Variants in TACR3 observed in about 807,000 individuals in gnomAD.
The protein encoded by TACR3 is tachykinin receptor 3, also known as neuromedin-K receptor.
A neutral mutation model predicts 35.0 loss-of-function variants in TACR3; 34 were observed. The ratio of observed to expected loss-of-function variants is 0.97; its 90% CI spans 0.74 to 1.30. TACR3 has a LOEUF of 1.30. Ranked by LOEUF, TACR3 falls within the 50% of genes most tolerant of loss-of-function variation. The pLI, the probability that TACR3 is intolerant of heterozygous loss-of-function variation, is 0.00. For synonymous variants in TACR3, 233 were observed against 221.1 expected (o/e 1.05, Z -0.48); for missense variants, 558 against 591.7 (o/e 0.94, Z 0.59).
intron 1 of TACR3, among the ~76,000 whole-genome samples, chr4:103,670,632 G>GA (rs985495679): frequency 1.6e-4 from 25 of 152,062 alleles, no homozygotes; most frequent in African/African-American, 5.1e-4. Context: ...TTGGCATATA[G>GA]GAATGCTATT....
At chr4:103,616,297 CGTGTATGT>C (rs1198186187) in intron 3 of TACR3, among the ~76,000 whole-genome samples, 1 of 103,172 alleles carries the variant, frequency 9.7e-6, no homozygotes, top group Non-Finnish European at 2.0e-5. Flanking sequence ...AGAGTACATA[CGTGTATGT>C]GTGTGTGTGT....
At chr4:103,599,090 G>A (rs915136331) in intron 3 of TACR3, among the ~76,000 whole-genome samples, 4 of 152,168 alleles carry the variant, frequency 2.6e-5, no homozygotes, top group Middle Eastern at 3.2e-3. Context: ...CCATGAACAT[G>A]GAATGTTCTT....
intron 2 of TACR3, among the ~76,000 whole-genome samples, chr4:103,657,297 T>C (rs1172352546): frequency 2.0e-5 from 3 of 152,070 alleles, no homozygotes; most frequent in Non-Finnish European, 4.4e-5. Context: ...GATTACTAAG[T>C]ATTGATTTAA....
intron 1 of TACR3, among the ~76,000 whole-genome samples, chr4:103,676,515 A>G (rs1250376892): frequency 6.6e-6 from 1 of 152,120 alleles, no homozygotes; most frequent in South Asian, 2.1e-4. Flanking sequence ...AAACAAATAT[A>G]GTGTGTTAAA....
At position 103,618,564 on chromosome 4, in the gene TACR3, C is replaced by CTTTT. The variant is rs57837921; in HGVS notation, c.889-26885_889-26882dup. 5.3e-3 allele frequency among the ~76,000 whole-genome samples: 325 copies of CTTTT among 61,446 alleles called. 37 individuals are homozygous for CTTTT. Among genetic ancestry groups the CTTTT allele is most frequent in the African/African-American group, 0.028 (307 of 11,016 alleles). 40.3% of individuals were successfully genotyped at this position (61,446 alleles called of 152,430 possible). A position where few individuals can be genotyped will look rare whatever the true frequency, so the allele number is the denominator to read the frequency against. ...CTTAGGATTGCTTTGGTGACTTGGG[C>CTTTT]TTTTTTTTTTTTTTTTTTTTTTTTT... On this transcript the variant is annotated intron_variant, in intron 3 of 4. Transcript: ENST00000304883.
intron 3 of TACR3, among the ~76,000 whole-genome samples, chr4:103,653,869 T>A (rs866157610): frequency 0.03 from 4,423 of 149,502 alleles, 104 homozygotes; most frequent in Non-Finnish European, 0.041. Flanking sequence ...AAACAACCCC[T>A]TCAAAAAGTG....
intron 3 of TACR3, among the ~76,000 whole-genome samples, chr4:103,640,338 G>T (rs1361532121): frequency 6.6e-6 from 1 of 151,930 alleles, no homozygotes; most frequent in African/African-American, 2.4e-5. Context: ...TCTTACTTGT[G>T]GCAAAATTCA....
intron 3 of TACR3, among the ~76,000 whole-genome samples, chr4:103,607,590 G>A (rs1415334887): frequency 1.3e-5 from 2 of 151,978 alleles, no homozygotes; most frequent in Admixed American, 6.6e-5. Flanking sequence ...GATAATATAG[G>A]CTTAAGAAAG....
intron 1 of TACR3, among the ~76,000 whole-genome samples, chr4:103,700,465 A>G (rs1201433854): frequency 1.3e-5 from 2 of 152,194 alleles, no homozygotes; most frequent in Non-Finnish European, 2.9e-5. Flanking sequence ...AACTTAAGCA[A>G]ATATTAAAAT....
At chr4:103,658,962 G>A (rs1337234758) in intron 1 of TACR3, among the ~76,000 whole-genome samples, 1 of 152,178 alleles carries the variant, frequency 6.6e-6, no homozygotes, top group Non-Finnish European at 1.5e-5. Context: ...ATCTGGGGTT[G>A]ATGGGAGACA....
At position 103,623,720 on chromosome 4, in the gene TACR3, T is replaced by G. The variant is rs183751425; in HGVS notation, c.889-32037A>C. Among the ~76,000 whole-genome samples the G allele has an allele frequency of 1.4e-3, 207 of 152,248 alleles. No individual in the cohort carries two copies. The Middle Eastern group carries it at 0.014, about 10-fold the overall frequency. ...GTATTACAAGTGATCCCTAAATAAA[T>G]GTAAGTTGATTTACTTATTGCCTCA... On this transcript the variant is annotated intron_variant, in intron 3 of 4. Transcript: ENST00000304883.
chr4:103,639,521 A>T (rs965574844), intron 3 of TACR3, among the ~76,000 whole-genome samples: 2 of 152,064 alleles, frequency 1.3e-5, no homozygotes, highest in Admixed American at 6.6e-5. Flanking sequence ...CAGCACACCA[A>T]CATGGCACAT....
intron 1 of TACR3, among the ~76,000 whole-genome samples, chr4:103,678,749 G>A (rs1400900331): frequency 6.6e-6 from 1 of 150,752 alleles, no homozygotes; most frequent in Admixed American, 6.6e-5. Context: ...TTTTAGAGTG[G>A]TCAGTTCATG....
At chr4:103,714,999 G>C (rs1204203642) in intron 1 of TACR3, among the ~76,000 whole-genome samples, 1 of 152,158 alleles carries the variant, frequency 6.6e-6, no homozygotes, top group African/African-American at 2.4e-5. Flanking sequence ...GGGTAGCATA[G>C]AAGACCAATT....
chr4:103,627,277 A>C (rs1724915543), intron 3 of TACR3, among the ~76,000 whole-genome samples: 1 of 146,092 alleles, frequency 6.8e-6, no homozygotes. Flanking sequence ...GCACTTTGAG[A>C]AGCCAGGGTG....
chr4:103,602,491 CTTT>C (rs199678167), intron 3 of TACR3, among the ~76,000 whole-genome samples: 10 of 150,276 alleles, frequency 6.7e-5, no homozygotes, highest in South Asian at 2.1e-4. Flanking sequence ...TTTTTCTGCT[CTTT>C]TTTTTTTTTC....
intron 3 of TACR3, among the ~76,000 whole-genome samples, chr4:103,605,289 C>T (rs1477599505): frequency 6.4e-5 from 7 of 109,310 alleles, no homozygotes; most frequent in South Asian, 3.0e-4. Flanking sequence ...AATAAACATA[C>T]GTGTGCATGT....
intron 3 of TACR3, among the ~76,000 whole-genome samples, chr4:103,609,705 C>T (rs546108225): frequency 6.6e-6 from 1 of 152,094 alleles, no homozygotes; most frequent in Admixed American, 6.6e-5. Context: ...GTAACTTATT[C>T]TTCCTATCGA....
intron 1 of TACR3, among the ~76,000 whole-genome samples, chr4:103,716,637 A>G (rs1037115486): frequency 6.6e-6 from 1 of 152,158 alleles, no homozygotes; most frequent in Non-Finnish European, 1.5e-5. Context: ...TCTCAGAGTC[A>G]TAAGAGGCTG....
Sources: gnomAD v4.1 joint callset for allele counts (sites outside exome capture counted in the v4.1 genomes callset) on GRCh38, gnomAD v4.1.1 for gene constraint, MANE v1.5 for transcripts, NCBI Gene and HGNC (gene_info 2026-07-23, HGNC 2026-07-21) for gene names.